Variants in TRAPPC8 observed in about 807,000 individuals in gnomAD.
TRAPPC8 encodes general sporulation gene 1 homolog.
TRAPPC8 carries 54 observed loss-of-function variants against 174.3 expected under a neutral mutation model. That is an observed-to-expected ratio of 0.31 (90% confidence interval 0.25 to 0.39). TRAPPC8 has a LOEUF of 0.39. Ranked by LOEUF, TRAPPC8 falls within the 10% of genes least tolerant of loss-of-function variation. TRAPPC8 has a pLI of 1.00. For synonymous variants in TRAPPC8, 630 were observed against 579.9 expected, an observed-to-expected ratio of 1.09 and a Z score of -1.24; for missense variants, 1,531 against 1,699.1, an observed-to-expected ratio of 0.90 and a Z score of 1.74.
chr18:31,837,940 G>A (rs1422744012), intron 27 of TRAPPC8, among the ~76,000 whole-genome samples: 6 of 142,630 alleles, frequency 4.2e-5, no homozygotes, highest in Non-Finnish European at 9.0e-5. Context: ...TCATTTAGGT[G>A]TTAGCTTTGT....
intron 26 of TRAPPC8, 132 bp from the exon 27 acceptor site, chr18:31,839,589 G>C (rs2032975452): frequency 1.3e-6 from 1 of 745,160 alleles, no homozygotes; most frequent in Non-Finnish European, 1.9e-6. Flanking sequence ...CTTTTCTGCT[G>C]TTAAGCTAAT....
At chr18:31,886,753 C>T (rs780105886) in intron 12 of TRAPPC8, among the ~76,000 whole-genome samples, 9 of 152,114 alleles carry the variant, frequency 5.9e-5, no homozygotes, top group African/African-American at 9.7e-5. Context: ...GAGGCTGAGG[C>T]GAGCGGATCA....
intron 9 of TRAPPC8, among the ~76,000 whole-genome samples, chr18:31,905,935 CAT>C (rs1257740261): frequency 2.0e-5 from 3 of 152,022 alleles, no homozygotes; most frequent in Non-Finnish European, 4.4e-5. Context: ...TTAATAATAA[CAT>C]GAAGTATTTG....
At chr18:31,837,750 G>A (rs529388163) in intron 27 of TRAPPC8, among the ~76,000 whole-genome samples, 1 of 151,836 alleles carries the variant, frequency 6.6e-6, no homozygotes, top group African/African-American at 2.4e-5. Flanking sequence ...TATTTTAAAA[G>A]TCCATTAACA....
intron 2 of TRAPPC8, among the ~76,000 whole-genome samples, chr18:31,927,348 T>C (rs1187203901): frequency 6.6e-6 from 1 of 152,000 alleles, no homozygotes; most frequent in African/African-American, 2.4e-5. Flanking sequence ...CTGCAACCTC[T>C]GCCTCCCAGG....
At chr18:31,885,625 G>C (rs566951977) in intron 12 of TRAPPC8, among the ~76,000 whole-genome samples, 12 of 152,058 alleles carry the variant, frequency 7.9e-5, no homozygotes, top group African/African-American at 2.6e-4. Flanking sequence ...TTGGGAAGCC[G>C]AGGTGGGCAG....
intron 11 of TRAPPC8, among the ~76,000 whole-genome samples, chr18:31,893,371 T>C (rs1358665246): frequency 6.8e-6 from 1 of 148,126 alleles, no homozygotes; most frequent in East Asian, 2.0e-4. Context: ...CTCCTAGTAT[T>C]TGCTTCTAGG....
chr18:31,922,040 A>G (rs80229439), intron 2 of TRAPPC8, among the ~76,000 whole-genome samples: 1 of 152,186 alleles, frequency 6.6e-6, no homozygotes. Context: ...AGTTCATCAT[A>G]AAAGTACTAA....
At chr18:31,870,196 TTA>T (rs2034782341) in intron 16 of TRAPPC8, 174 bp downstream of exon 16, 2 of 476,760 alleles carry the variant, frequency 4.2e-6, no homozygotes, top group Non-Finnish European at 3.6e-6. Flanking sequence ...CTTCTATTCC[TTA>T]TGTTTTTATG....
At chr18:31,846,420 C>T (rs949161039) in intron 26 of TRAPPC8, among the ~76,000 whole-genome samples, 2 of 151,538 alleles carry the variant, frequency 1.3e-5, no homozygotes, top group Admixed American at 1.3e-4. Flanking sequence ...CAAAAAAACA[C>T]AAAAATTAGC....
chr18:31,905,829 T>C (rs1441203449), intron 9 of TRAPPC8, among the ~76,000 whole-genome samples: 2 of 152,202 alleles, frequency 1.3e-5, no homozygotes, highest in Admixed American at 1.3e-4. Context: ...ATACTTCCAG[T>C]TGAATGGCTT....
chr18:31,858,562 G>A (rs1038168092), intron 19 of TRAPPC8, among the ~76,000 whole-genome samples: 5 of 152,154 alleles, frequency 3.3e-5, no homozygotes, highest in Non-Finnish European at 7.3e-5. Flanking sequence ...CCCATTTAGT[G>A]TGATATTAAT....
rs1598658755 is a variant in TRAPPC8 at position 31,880,124 on chromosome 18, TTTTTTTTTTTAAGG to T, written c.1729-5434_1729-5421del. ...ATATATATATATATATATATATATT[TTTTTTTTTTTAAGG>T]AAGAAAGATTCCTCCTTAACTAATA... On this transcript the variant is annotated intron_variant, in intron 12 of 28. Coordinates refer to ENST00000283351, the MANE Select transcript of TRAPPC8 (RefSeq NM_014939.5). 2.2e-4 allele frequency among the ~76,000 whole-genome samples: 18 copies of T among 81,498 alleles called. 1 individual carries two copies. Among genetic ancestry groups the T allele is most frequent in the East Asian group, 1.9e-3 (8 of 4,136 alleles). The allele number at this position is 81,498 out of a possible 152,430, so 53.5% of individuals were successfully genotyped here. A position where few individuals can be genotyped will look rare whatever the true frequency, so the allele number is the denominator to read the frequency against.
chr18:31,836,612 G>C (rs12956638), intron 27 of TRAPPC8, among the ~76,000 whole-genome samples: 39,267 of 151,934 alleles, frequency 0.26, 5,370 homozygotes, highest in Middle Eastern at 0.38. Flanking sequence ...GGTTCAATAA[G>C]GATAAAACAC....
chr18:31,853,396 T>C (rs1292905478), intron 22 of TRAPPC8, among the ~76,000 whole-genome samples: 2 of 152,088 alleles, frequency 1.3e-5, no homozygotes, highest in Non-Finnish European at 2.9e-5. Context: ...GCCTCCCGAG[T>C]AGCTGGGATT....
Position 31,904,253 on chromosome 18 carries a change from A to G in TRAPPC8, c.1389+3207T>C, listed in dbSNP as rs538507912. Among the ~76,000 whole-genome samples the G allele has an allele frequency of 3.7e-4, 56 of 151,768 alleles. 2 individuals carry two copies. Among genetic ancestry groups the G allele is most frequent in the South Asian group, 2.9e-3 (14 of 4,804 alleles). ...CTTGCCTCCAAAAAAAAAAAAAAAG[A>G]AAAAAGAACCTAAGTTTTAATGGAA... On this transcript the variant is annotated intron_variant, in intron 9 of 28. Coordinates refer to ENST00000283351, the MANE Select transcript of TRAPPC8 (RefSeq NM_014939.5).
chr18:31,882,869 C>T (rs965252286), intron 12 of TRAPPC8, among the ~76,000 whole-genome samples: 2 of 149,460 alleles, frequency 1.3e-5, no homozygotes, highest in Non-Finnish European at 3.0e-5. Flanking sequence ...CCCACCTCAG[C>T]CACCCAAAGT....
intron 27 of TRAPPC8, among the ~76,000 whole-genome samples, chr18:31,836,896 G>C (rs2144939241): frequency 6.6e-6 from 1 of 151,906 alleles, no homozygotes; most frequent in African/African-American, 2.4e-5. Flanking sequence ...CAAGTAGCTG[G>C]GACTACAGGT....
chr18:31,899,445 T>C lies in TRAPPC8; in HGVS notation c.1490+1480A>G, dbSNP rs558026777. On this transcript the variant is annotated intron_variant, in intron 10 of 28. Coordinates refer to ENST00000283351, the MANE Select transcript of TRAPPC8 (RefSeq NM_014939.5). ...TTGTTTTGTTCTAACCATGTTACCA[T>C]TACGATGACTACTTTTACTTCAACA... is the stretch of plus-strand genomic sequence containing the variant. Among the ~76,000 whole-genome samples, 19 of 152,324 alleles carry C rather than the reference T, an allele frequency of 1.2e-4. No individual in the cohort carries two copies. In the South Asian group the frequency reaches 3.1e-3, roughly 25 times the overall value.
Sources: allele counts gnomAD v4.1 joint callset (sites outside exome capture counted in the v4.1 genomes callset), GRCh38; gene constraint gnomAD v4.1.1; transcripts MANE v1.5; gene names NCBI Gene and HGNC (gene_info 2026-07-23, HGNC 2026-07-21).